The following EFHC1 variants were observed in gnomAD, a reference collection of about 807,000 sequenced individuals.
EFHC1 encodes EF-hand domain containing 1.
In EFHC1, 53 loss-of-function variants were observed where a neutral mutation model predicts 69.9. That is an observed-to-expected ratio of 0.76 (90% confidence interval 0.61 to 0.95). The LOEUF (loss-of-function observed/expected upper bound fraction) is 0.95, where lower values mean the gene tolerates loss of function less well. Among genes scored for constraint, EFHC1 ranks in the 40% least tolerant of loss-of-function variants. The pLI, the probability that EFHC1 is intolerant of heterozygous loss-of-function variation, is 0.00. For missense variants in EFHC1, 739 were observed against 798.7 expected, an observed-to-expected ratio of 0.93 and a Z score of 0.90; for synonymous variants, 256 against 278.4, an observed-to-expected ratio of 0.92 and a Z score of 0.80.
Position 52,469,598 on chromosome 6 carries a change from T to C in EFHC1, c.1278+125T>C. 3.7e-6 allele frequency: 5 copies of C among 1,365,804 alleles called. No homozygotes were observed. In the South Asian group the frequency reaches 6.0e-5, roughly 16 times the overall value. 84.6% of individuals were successfully genotyped at this position (1,365,804 alleles called of 1,614,324 possible). ...TATGTGTTGACTCAACCAACCATTG[T>C]ATCTAGTACCCAGCCTTCAGGGAGG... is the stretch of plus-strand genomic sequence containing the variant. On this transcript the variant is annotated intron_variant, in intron 7 of 10. Transcript: ENST00000371068.
At chr6:52,464,218 A>G (rs1345654639) in intron 5 of EFHC1, among the ~76,000 whole-genome samples, 1 of 152,236 alleles carries the variant, frequency 6.6e-6, no homozygotes, top group Non-Finnish European at 1.5e-5. Flanking sequence ...CACAAATGCA[A>G]GATTGATTCT....
intron 2 of EFHC1, 121 bp from the exon 3 acceptor site, chr6:52,438,183 T>C (rs1481697335): frequency 1.1e-6 from 1 of 943,332 alleles, no homozygotes; most frequent in African/African-American, 1.6e-5. Flanking sequence ...ATTTACAGGA[T>C]AGAAGTGATG....
chr6:52,468,434 G>A (rs1308132563), intron 6 of EFHC1: 2 of 152,186 alleles, frequency 1.3e-5, no homozygotes, highest in Non-Finnish European at 2.9e-5. Flanking sequence ...TTCCAGGCAG[G>A]GGAAGTGAGT....
intron 9 of EFHC1, chr6:52,486,728 A>G (rs1765794579): frequency 6.6e-6 from 1 of 152,092 alleles, no homozygotes; most frequent in Non-Finnish European, 1.5e-5. Context: ...CTTTTGTCAG[A>G]GATAAGTAAC....
At chr6:52,490,018 G>C in intron 9 of EFHC1, 122 bp from the exon 10 acceptor site, 2 of 902,814 alleles carry the variant, frequency 2.2e-6, no homozygotes, top group Non-Finnish European at 3.5e-6. Flanking sequence ...TTATTGGTCA[G>C]CTCAGTCTCA....
At chr6:52,466,813 G>A (rs1765316552) in intron 6 of EFHC1, among the ~76,000 whole-genome samples, 1 of 152,204 alleles carries the variant, frequency 6.6e-6, no homozygotes, top group Non-Finnish European at 1.5e-5. Flanking sequence ...TTGGTATGCT[G>A]TGAGTTCCCA....
At chr6:52,453,194 A>G (rs1346202863) in intron 4 of EFHC1, 2 of 1,312,294 alleles carry the variant, frequency 1.5e-6, no homozygotes, top group South Asian at 1.2e-5. Flanking sequence ...TTGTGAAACC[A>G]TAAATCGATT....
At position 52,495,371 on chromosome 6, in the gene EFHC1, A is replaced by C. The variant is rs1398994421; in HGVS notation, c.*3030A>C. The C allele has an allele frequency of 2.2e-6, 1 of 453,966 alleles. No individual in the cohort carries two copies. Among genetic ancestry groups the C allele is most frequent in the African/African-American group, 2.0e-5 (1 of 49,976 alleles). The allele number at this position is 453,966 out of a possible 1,614,324, so 28.1% of individuals were successfully genotyped here. A position where few individuals can be genotyped will look rare whatever the true frequency, so the allele number is the denominator to read the frequency against. Reference sequence around the variant, plus strand: ...CCAAGGCACTCCAGCCCCTTTCAAGAAGCTTGCACTTTCTGATATTTTCTC... The same window carrying C: ...CCAAGGCACTCCAGCCCCTTTCAAGCAGCTTGCACTTTCTGATATTTTCTC... On this transcript the variant is annotated 3_prime_UTR_variant, in exon 11 of 11. Coordinates refer to ENST00000371068, the MANE Select transcript of EFHC1 (RefSeq NM_018100.4).
At chr6:52,485,272 A>G (rs1765763064) in intron 9 of EFHC1, 1 of 152,234 alleles carries the variant, frequency 6.6e-6, no homozygotes, top group Admixed American at 6.5e-5. Context: ...ATACCAGCAG[A>G]CACTGGAAAG....
At position 52,424,065 on chromosome 6, in the gene EFHC1, G is replaced by A; in HGVS notation, c.183G>A (p.Glu61=). ...RLQFNQLSQA[E]LDELASKAPV... ...AGTTCAACCAGCTGTCCCAGGCTGA[G>A]CTGGATGAGTTGGCCAGTAAGGCAC... Residue 61 remains glutamate, a synonymous_variant, in exon 2 of 11, where the codon GAG becomes GAA. Coordinates refer to ENST00000371068, the MANE Select transcript of EFHC1 (RefSeq NM_018100.4). The A allele has an allele frequency of 6.2e-7, 1 of 1,614,172 alleles. No homozygotes were observed. The highest frequency in any genetic ancestry group is 8.5e-7 in the Non-Finnish European group (1 of 1,180,046).
intron 3 of EFHC1, among the ~76,000 whole-genome samples, chr6:52,443,329 T>C (rs1169582832): frequency 6.6e-6 from 1 of 152,246 alleles, no homozygotes; most frequent in African/African-American, 2.4e-5. Flanking sequence ...TTGTTGCCAT[T>C]GCTTTTGGTG....
intron 3 of EFHC1, among the ~76,000 whole-genome samples, chr6:52,440,659 G>T (rs1038200587): frequency 6.6e-6 from 1 of 152,090 alleles, no homozygotes; most frequent in Non-Finnish European, 1.5e-5. Context: ...CCAATAATGA[G>T]ATTCCTAGGT....
At chr6:52,439,012 A>G (rs1481012822) in intron 3 of EFHC1, among the ~76,000 whole-genome samples, 1 of 152,166 alleles carries the variant, frequency 6.6e-6, no homozygotes, top group East Asian at 1.9e-4. Flanking sequence ...TAGCTCATAT[A>G]TTTTTGGTAA....
chr6:52,476,397 G>A (rs1765546085), intron 7 of EFHC1, among the ~76,000 whole-genome samples: 2 of 152,166 alleles, frequency 1.3e-5, no homozygotes, highest in African/African-American at 2.4e-5. Context: ...TGTAATCATG[G>A]TTGCAGATAA....
chr6:52,436,933 C>T (rs184096337), intron 2 of EFHC1, among the ~76,000 whole-genome samples: 12 of 152,294 alleles, frequency 7.9e-5, no homozygotes, highest in Admixed American at 2.6e-4. Context: ...TAAGCCACCA[C>T]GCCTGGCATA....
At position 52,438,304 on chromosome 6, in the gene EFHC1, G is replaced by C. The variant is rs780229439; in HGVS notation, c.286G>C (p.Val96Leu). ...TTTCTCCTTTCCTTGTATGTTATAGGTACTGAAATTTGATGCCTATTTCCA... is the reference window on the plus strand; with the variant it reads ...TTTCTCCTTTCCTTGTATGTTATAGCTACTGAAATTTGATGCCTATTTCCA... ...IPAHVAFDKK[V>L]LKFDAYFQED... Residue 96 changes from valine (V) to leucine (L), a missense_variant and splice_region_variant, in exon 3 of 11, where the codon GTA becomes CTA. Transcript: ENST00000371068. 3.1e-6 allele frequency: 5 copies of C among 1,612,224 alleles called. No homozygotes were observed. Among genetic ancestry groups the C allele is most frequent in the Non-Finnish European group, 3.4e-6 (4 of 1,179,170 alleles).
intron 10 of EFHC1, among the ~76,000 whole-genome samples, chr6:52,491,396 G>A (rs902291249): frequency 2.6e-5 from 4 of 152,202 alleles, no homozygotes; most frequent in Admixed American, 1.3e-4. Flanking sequence ...AGTCACAGTC[G>A]AGTTTTAAGG....
intron 9 of EFHC1, chr6:52,489,340 G>A (rs913268864): frequency 6.6e-6 from 1 of 152,156 alleles, no homozygotes; most frequent in African/African-American, 2.4e-5. Flanking sequence ...GTCTTCAAAT[G>A]TGTTTTCTCA....
intron 3 of EFHC1, among the ~76,000 whole-genome samples, chr6:52,449,598 C>G (rs1764871377): frequency 6.6e-6 from 1 of 152,124 alleles, no homozygotes; most frequent in African/African-American, 2.4e-5. Flanking sequence ...TCTAGGTTTT[C>G]TAGTGTTGTG....
Sources: allele counts gnomAD v4.1 joint callset (sites outside exome capture counted in the v4.1 genomes callset), GRCh38; gene constraint gnomAD v4.1.1; transcripts MANE v1.5; gene names NCBI Gene and HGNC (gene_info 2026-07-23, HGNC 2026-07-21).